The following HIPK2 variants were observed in gnomAD, a reference collection of about 807,000 sequenced individuals.
HIPK2 encodes the protein homeodomain interacting protein kinase 2, also known as homeodomain-interacting protein kinase 2.
A neutral mutation model predicts 113.7 loss-of-function variants in HIPK2; 27 were observed. That is an observed-to-expected ratio of 0.24 (90% CI 0.17 to 0.33). HIPK2 has a LOEUF of 0.33. Ranked by LOEUF, HIPK2 falls within the 10% of genes least tolerant of loss-of-function variation. The pLI is 1.00. For missense variants in HIPK2, 1,257 were observed against 1,588.0 expected (o/e 0.79, Z 3.54); for synonymous variants, 631 against 642.2 (o/e 0.98, Z 0.26).
intron 2 of HIPK2, among the ~76,000 whole-genome samples, chr7:139,709,122 T>C (rs1037449520): frequency 5.3e-5 from 8 of 152,134 alleles, no homozygotes; most frequent in Non-Finnish European, 1.2e-4. Context: ...CATAACTTAT[T>C]GATTACTTCT....
chr7:139,593,648 C>G (rs1474145818), intron 12 of HIPK2, among the ~76,000 whole-genome samples: 1 of 152,198 alleles, frequency 6.6e-6, no homozygotes, highest in African/African-American at 2.4e-5. Flanking sequence ...CAAGCTGAGG[C>G]TGAGCCATGT....
intron 1 of HIPK2, among the ~76,000 whole-genome samples, chr7:139,758,296 T>G (rs527951643): frequency 6.6e-6 from 1 of 152,128 alleles, no homozygotes; most frequent in Non-Finnish European, 1.5e-5. Flanking sequence ...TGGAAAAACA[T>G]AGAGTCCAGA....
chr7:139,759,267 C>T (rs1729528538), intron 1 of HIPK2, among the ~76,000 whole-genome samples: 1 of 152,184 alleles, frequency 6.6e-6, no homozygotes, highest in African/African-American at 2.4e-5. Flanking sequence ...CAGCAAAAAT[C>T]CAAAAGTTTG....
intron 2 of HIPK2, among the ~76,000 whole-genome samples, chr7:139,670,572 C>T (rs1039968124): frequency 6.7e-6 from 1 of 149,138 alleles, no homozygotes; most frequent in African/African-American, 2.5e-5. Flanking sequence ...TAGAGCAAGA[C>T]CCTGTCTTGA....
chr7:139,644,094 T>C (rs1378486809), intron 2 of HIPK2, among the ~76,000 whole-genome samples: 1 of 152,214 alleles, frequency 6.6e-6, no homozygotes, highest in Admixed American at 6.5e-5. Flanking sequence ...AATGGAACCA[T>C]GTGTCTCTGC....
chr7:139,715,678 C>G (rs1489771346), intron 2 of HIPK2, among the ~76,000 whole-genome samples: 1 of 152,228 alleles, frequency 6.6e-6, no homozygotes, highest in African/African-American at 2.4e-5. Flanking sequence ...CTCTTCTGCT[C>G]TGCACCCCAG....
Position 139,631,336 on chromosome 7 carries a change from TGG to T in HIPK2, c.1228-54_1228-53del. 6.4e-7 allele frequency: 1 copy of T among 1,567,560 alleles called. No homozygotes were observed. The highest frequency in any genetic ancestry group is 8.7e-7 in the Non-Finnish European group (1 of 1,155,064). On this transcript the variant is annotated intron_variant, in intron 3 of 14. Coordinates refer to ENST00000406875, the MANE Select transcript of HIPK2 (RefSeq NM_022740.5). The surrounding 1 kb of genome is among the most constrained non-coding windows in gnomAD (Gnocchi z 4.9). The stretch of plus-strand genomic sequence containing the variant: ...AGGGCTTTTCCTGTCACTATACATA[TGG>T]TATACTAATGGCTCTGCTGGCTTTG...
chr7:139,583,804 G>T lies in HIPK2; in HGVS notation c.2965+13C>A. On this transcript the variant is annotated intron_variant, in intron 13 of 14. Coordinates refer to ENST00000406875, the MANE Select transcript of HIPK2 (RefSeq NM_022740.5). ...CAGGGAGAGGTTCCTGCCCTGTCCT[G>T]GCCCCAAATTACCTGGCACCAGGCT... The T allele has an allele frequency of 6.2e-7, 1 of 1,606,788 alleles. No homozygotes were observed.
chr7:139,723,112 A>G (rs149126732), intron 1 of HIPK2, among the ~76,000 whole-genome samples: 1,681 of 152,184 alleles, frequency 0.011, 11 homozygotes, highest in Non-Finnish European at 0.019. Flanking sequence ...GGGGCTACAA[A>G]TAATGTAATA....
rs576969831 is a variant in HIPK2 at position 139,716,842 on chromosome 7, T to C, written c.193A>G (p.Thr65Ala). ...ACCGGCAAGGAGGTGCTGACGGTTG[T>C]GGTGGCTGGCTGCGACAGGGGGATG... is the stretch of plus-strand genomic sequence containing the variant. ...KNIPLSQPATTTVSTSLPVPN... is the reference protein window; with the variant it reads ...KNIPLSQPATATVSTSLPVPN... Residue 65 changes from threonine (T) to alanine (A), a missense_variant, in exon 2 of 15, where the codon ACA becomes GCA. Thr to Ala is a moderately conservative substitution (Grantham distance 58). Around this residue, in one of 5 missense-constraint regions of HIPK2, gnomAD observed 209 missense variants for 237.8 expected, o/e 0.88. Coordinates refer to ENST00000406875, the MANE Select transcript of HIPK2 (RefSeq NM_022740.5). The surrounding 1 kb of genome is among the most constrained non-coding windows in gnomAD (Gnocchi z 9.3). The C allele has an allele frequency of 1.2e-6, 2 of 1,613,738 alleles. No individual in the cohort carries two copies. Among genetic ancestry groups the C allele is most frequent in the South Asian group, 1.1e-5 (1 of 91,076 alleles).
At chr7:139,766,503 A>T (rs1348377330) in intron 1 of HIPK2, among the ~76,000 whole-genome samples, 1 of 152,182 alleles carries the variant, frequency 6.6e-6, no homozygotes, top group African/African-American at 2.4e-5. Flanking sequence ...CAAGAGTGTC[A>T]CAGAAATCTG....
At chr7:139,664,978 G>C (rs1261566630) in intron 2 of HIPK2, among the ~76,000 whole-genome samples, 2 of 151,570 alleles carry the variant, frequency 1.3e-5, no homozygotes, top group Non-Finnish European at 2.9e-5. Context: ...CATAACAACA[G>C]TTTCCAAAGG....
intron 2 of HIPK2, among the ~76,000 whole-genome samples, chr7:139,635,614 G>A (rs1360352337): frequency 6.6e-6 from 1 of 151,842 alleles, no homozygotes; most frequent in Non-Finnish European, 1.5e-5. Flanking sequence ...ACCATGATAC[G>A]TGCCGCAGAA....
chr7:139,580,141 T>C (rs1344306066), intron 13 of HIPK2, among the ~76,000 whole-genome samples: 4 of 152,186 alleles, frequency 2.6e-5, no homozygotes, highest in Non-Finnish European at 5.9e-5. Flanking sequence ...GGGGGAAGCC[T>C]CCTTCTTGCT....
Position 139,644,049 on chromosome 7 carries a change from A to G in HIPK2, c.1104-12324T>C, listed in dbSNP as rs138447294. Among the ~76,000 whole-genome samples, 10 of 152,318 alleles carry G rather than the reference A, an allele frequency of 6.6e-5. No homozygotes were observed. The East Asian group carries it at 1.7e-3, about 26-fold the overall frequency. On this transcript the variant is annotated intron_variant, in intron 2 of 14. Coordinates refer to ENST00000406875, the MANE Select transcript of HIPK2 (RefSeq NM_022740.5). ...GTGACTTTTGTCAAAGAATGTGCTC[A>G]ACAAATGTTTGCAGAAGCACCTATC... is the stretch of plus-strand genomic sequence containing the variant.
In HIPK2 at chr7:139,599,436, T is replaced by C. The variant is rs556817777; in HGVS notation, c.2435+981A>G. 5.9e-5 allele frequency among the ~76,000 whole-genome samples: 9 copies of C among 152,336 alleles called. No individual in the cohort carries two copies. The South Asian group carries it at 1.7e-3, about 28-fold the overall frequency. The stretch of plus-strand genomic sequence containing the variant: ...CTCTGGCAAGCCCTAATCGGATCTC[T>C]GTCTCTATGTTTTGCCTTTTCCGAA... On this transcript the variant is annotated intron_variant, in intron 11 of 14. Transcript: ENST00000406875.
chr7:139,599,241 T>A (rs931608088), intron 11 of HIPK2, among the ~76,000 whole-genome samples: 3 of 152,168 alleles, frequency 2.0e-5, no homozygotes, highest in Admixed American at 1.3e-4. Context: ...AAATCTCCAT[T>A]TTTTAAAAAG....
Position 139,562,805 on chromosome 7 carries a change from C to T in HIPK2, c.*10122G>A, listed in dbSNP as rs2116366691. 1 of 152,388 alleles carries T rather than the reference C, an allele frequency of 6.6e-6. No homozygotes were observed. Among genetic ancestry groups the T allele is most frequent in the Non-Finnish European group, 1.5e-5 (1 of 68,060 alleles). 9.4% of individuals were successfully genotyped at this position (152,388 alleles called of 1,614,324 possible). A position where few individuals can be genotyped will look rare whatever the true frequency, so the allele number is the denominator to read the frequency against. On this transcript the variant is annotated 3_prime_UTR_variant, in exon 15 of 15. Coordinates refer to ENST00000406875, the MANE Select transcript of HIPK2 (RefSeq NM_022740.5). ...CTCCGACCTCTAAAGAGCTCCTTCT[C>T]CTCATCTGTAAAGCTATACTTCTCC...
intron 2 of HIPK2, among the ~76,000 whole-genome samples, chr7:139,692,181 T>C (rs1794427464): frequency 6.6e-6 from 1 of 152,212 alleles, no homozygotes; most frequent in African/African-American, 2.4e-5. Flanking sequence ...CTGAAGTATC[T>C]GAAACAGTAT....
Sources: gnomAD v4.1 joint callset for allele counts (sites outside exome capture counted in the v4.1 genomes callset) on GRCh38, gnomAD v4.1.1 for gene constraint, gnomAD v4.1.1 regional missense constraint, Gnocchi (gnomAD v3.1) non-coding constraint, MANE v1.5 for transcripts, NCBI Gene and HGNC (gene_info 2026-07-23, HGNC 2026-07-21) for gene names.